Variants in RB1 observed in about 807,000 individuals in gnomAD.
The protein encoded by RB1 is RB transcriptional corepressor 1.
RB1 carries 18 observed loss-of-function variants against 135.4 expected under a neutral mutation model. The observed-to-expected ratio is 0.13, with a 90% CI of 0.09 to 0.20. The LOEUF (loss-of-function observed/expected upper bound fraction) is 0.20, where lower values mean the gene tolerates loss of function less well. Among genes scored for constraint, RB1 ranks in the 10% least tolerant of loss-of-function variants. RB1 has a pLI of 1.00. For missense variants in RB1, 868 were observed against 1,110.0 expected, an observed-to-expected ratio of 0.78 and a Z score of 3.10; for synonymous variants, 365 against 373.2, an observed-to-expected ratio of 0.98 and a Z score of 0.25.
intron 17 of RB1, among the ~76,000 whole-genome samples, chr13:48,399,482 T>C (rs1177734190): frequency 6.6e-6 from 1 of 152,052 alleles, no homozygotes; most frequent in East Asian, 1.9e-4. Flanking sequence ...CACTGAAATG[T>C]AGCAAGGATA....
At chr13:48,413,983 G>A (rs939634389) in intron 17 of RB1, among the ~76,000 whole-genome samples, 7 of 151,928 alleles carry the variant, frequency 4.6e-5, no homozygotes, top group African/African-American at 1.2e-4. Context: ...ACTATATATT[G>A]AAATATATTT....
chr13:48,449,659 G>A (rs1438100030), intron 17 of RB1, among the ~76,000 whole-genome samples: 2 of 152,138 alleles, frequency 1.3e-5, no homozygotes, highest in African/African-American at 4.8e-5. Context: ...CTACTCAGGA[G>A]GCTGCAGTGA....
At chr13:48,323,384 C>T (rs9568031) in intron 2 of RB1, among the ~76,000 whole-genome samples, 84,082 of 151,662 alleles carry the variant, frequency 0.55, 27,272 homozygotes, top group Middle Eastern at 0.72. Context: ...ATTTCATTCC[C>T]GATTTTGGTT....
chr13:48,447,474 GTTC>G (rs1949296530), intron 17 of RB1, among the ~76,000 whole-genome samples: 1 of 152,104 alleles, frequency 6.6e-6, no homozygotes, highest in South Asian at 2.1e-4. Flanking sequence ...GAAATAGAGT[GTTC>G]TTTGTATAAT....
intron 12 of RB1, among the ~76,000 whole-genome samples, chr13:48,374,935 G>C (rs1432306759): frequency 6.6e-6 from 1 of 151,842 alleles, no homozygotes; most frequent in Non-Finnish European, 1.5e-5. Flanking sequence ...CTGATATTTA[G>C]CTCCCACTCA....
rs1440801054 is a variant in RB1 at position 48,380,097 on chromosome 13, C to A, written c.1421+13C>A. ...TTCAAAATTTTAGGTAAATTTTTTACTTTTAGTAAAAAATTTTTTTCTTTT... is the reference window on the plus strand; with the variant it reads ...TTCAAAATTTTAGGTAAATTTTTTAATTTTAGTAAAAAATTTTTTTCTTTT... On this transcript the variant is annotated intron_variant, in intron 15 of 26. Coordinates refer to ENST00000267163, the MANE Select transcript of RB1 (RefSeq NM_000321.3). 3.0e-6 allele frequency: 4 copies of A among 1,334,004 alleles called. No homozygotes were observed. The highest frequency in any genetic ancestry group is 3.0e-6 in the Non-Finnish European group (3 of 1,008,184). The allele number at this position is 1,334,004 out of a possible 1,614,324, so 82.6% of individuals were successfully genotyped here. A position where few individuals can be genotyped will look rare whatever the true frequency, so the allele number is the denominator to read the frequency against.
chr13:48,415,301 T>C (rs1322981750), intron 17 of RB1, among the ~76,000 whole-genome samples: 1 of 151,864 alleles, frequency 6.6e-6, no homozygotes, highest in Non-Finnish European at 1.5e-5. Context: ...TTCTTTCTTT[T>C]TTTTTTCTCA....
At chr13:48,322,817 T>TGAAA (rs1217517450) in intron 2 of RB1, among the ~76,000 whole-genome samples, 2 of 152,200 alleles carry the variant, frequency 1.3e-5, no homozygotes, top group African/African-American at 4.8e-5. Context: ...TGTAGTATAT[T>TGAAA]AGTTGATTTT....
intron 6 of RB1, among the ~76,000 whole-genome samples, chr13:48,358,303 C>A (rs1481042152): frequency 6.6e-6 from 1 of 151,814 alleles, no homozygotes; most frequent in Non-Finnish European, 1.5e-5. Context: ...TGTGCTTTTC[C>A]CCCTCGTATT....
chr13:48,318,032 C>A, intron 2 of RB1: 1 of 516,634 alleles, frequency 1.9e-6, no homozygotes. Flanking sequence ...GGAGCCGGGG[C>A]TGGGAGCTGG....
intron 2 of RB1, among the ~76,000 whole-genome samples, chr13:48,309,864 A>G (rs1952116665): frequency 1.3e-5 from 2 of 152,178 alleles, no homozygotes; most frequent in Admixed American, 1.3e-4. Flanking sequence ...GAATACATAT[A>G]TAAGCAAATG....
chr13:48,311,471 A>C (rs112865323), intron 2 of RB1, among the ~76,000 whole-genome samples: 3 of 152,338 alleles, frequency 2.0e-5, no homozygotes, highest in African/African-American at 7.2e-5. Flanking sequence ...TGTGGTATAT[A>C]GCATGTTGCT....
At chr13:48,349,328 G>C (rs911141158) in intron 6 of RB1, among the ~76,000 whole-genome samples, 1 of 151,306 alleles carries the variant, frequency 6.6e-6, no homozygotes, top group Admixed American at 6.6e-5. Context: ...AAATAATTTT[G>C]GTCACAAAAG....
chr13:48,463,838 A>G lies in RB1; in HGVS notation c.2211+3A>G, dbSNP rs2138342752. 1 of 1,573,814 alleles carries G rather than the reference A, an allele frequency of 6.4e-7. No individual in the cohort carries two copies. Among genetic ancestry groups the G allele is most frequent in the Non-Finnish European group, 8.7e-7 (1 of 1,143,734 alleles). On this transcript the variant is annotated splice_donor_region_variant and intron_variant, in intron 21 of 26. Transcript: ENST00000267163. ...ATCTTCCTCATGCTGTTCAGGAGGT[A>G]GGTAATTTTCCATAGTAAGTTTTTT...
intron 17 of RB1, among the ~76,000 whole-genome samples, chr13:48,450,815 A>T: frequency 6.6e-6 from 1 of 152,232 alleles, no homozygotes; most frequent in Admixed American, 6.5e-5. Flanking sequence ...ATCCATAAGC[A>T]TGGAATGTTT....
Position 48,376,937 on chromosome 13 carries a change from A to T in RB1, c.1235A>T (p.Lys412Ile). 6.2e-7 allele frequency: 1 copy of T among 1,613,764 alleles called. No homozygotes were observed. Among genetic ancestry groups the T allele is most frequent in the Non-Finnish European group, 8.5e-7 (1 of 1,179,842 alleles). The change falls in exon 13 of 27, where the codon AAA (lysine) becomes ATA (isoleucine). Residue 412 changes from lysine to isoleucine, a missense_variant. Lys to Ile is a moderately radical substitution (Grantham distance 102). Around this residue, in one of 3 missense-constraint regions of RB1, gnomAD observed 641 missense variants for 791.3 expected, o/e 0.81. Transcript: ENST00000267163. ...SYFNNCTVNP[K>I]ESILKRVKDI... is the part of the protein sequence containing the mutation. ...CTAAAGAACTGCACAGTGAATCCAA[A>T]AGAAAGTATACTGAAAAGAGTGAAG... is the stretch of plus-strand genomic sequence containing the variant.
chr13:48,369,911 AAAAT>A (rs1678569675), intron 11 of RB1, among the ~76,000 whole-genome samples: 3 of 152,082 alleles, frequency 2.0e-5, no homozygotes, highest in African/African-American at 7.3e-5. Flanking sequence ...AAATAGCCTT[AAAAT>A]TCCATATCAC....
chr13:48,438,647 C>T (rs1456252697), intron 17 of RB1, among the ~76,000 whole-genome samples: 1 of 151,958 alleles, frequency 6.6e-6, no homozygotes, highest in Non-Finnish European at 1.5e-5. Flanking sequence ...CCTGGATCCA[C>T]CACTTATTCA....
At chr13:48,455,910 C>A (rs1184561627) in intron 18 of RB1, among the ~76,000 whole-genome samples, 1 of 152,064 alleles carries the variant, frequency 6.6e-6, no homozygotes, top group Non-Finnish European at 1.5e-5. Context: ...GCTGGAATCA[C>A]CTTATGGTCT....
Sources: gnomAD v4.1 joint callset for allele counts (sites outside exome capture counted in the v4.1 genomes callset) on GRCh38, gnomAD v4.1.1 for gene constraint, gnomAD v4.1.1 regional missense constraint, MANE v1.5 for transcripts, NCBI Gene and HGNC (gene_info 2026-07-23, HGNC 2026-07-21) for gene names.